Variants in PELI2 observed in about 807,000 individuals in gnomAD.
PELI2 encodes pellino E3 ubiquitin protein ligase family member 2.
Under a neutral mutation model 42.3 loss-of-function variants are expected in PELI2, and 23 were observed. The ratio of observed to expected loss-of-function variants is 0.54; its 90% confidence interval spans 0.39 to 0.77. The LOEUF (loss-of-function observed/expected upper bound fraction) is 0.77, where lower values mean the gene tolerates loss of function less well. PELI2 is among the 30% of genes least tolerant of loss of function. The pLI, the probability that PELI2 is intolerant of heterozygous loss-of-function variation, is 0.00. For synonymous variants in PELI2, 245 were observed against 212.2 expected (o/e 1.15, Z -1.34); for missense variants, 463 against 553.2 (o/e 0.84, Z 1.64).
At chr14:56,214,131 G>T (rs553818741) in intron 2 of PELI2, among the ~76,000 whole-genome samples, 80 of 152,304 alleles carry the variant, frequency 5.3e-4, no homozygotes, top group African/African-American at 1.9e-3. Context: ...GGGATTACAG[G>T]TGTGAGCCAC....
At chr14:56,141,072 T>C (rs1015932094) in intron 1 of PELI2, among the ~76,000 whole-genome samples, 1 of 152,224 alleles carries the variant, frequency 6.6e-6, no homozygotes, top group Non-Finnish European at 1.5e-5. Flanking sequence ...ACCCAAAGGC[T>C]ATGGCAAGGC....
In PELI2 at chr14:56,293,578, G is replaced by T. The variant is rs367791922; in HGVS notation, c.697-3022G>T. 5.0e-4 allele frequency among the ~76,000 whole-genome samples: 76 copies of T among 152,354 alleles called. 1 individual carries two copies. Among genetic ancestry groups the T allele is most frequent in the African/African-American group, 1.8e-3 (73 of 41,586 alleles). ...AGTAATGCCCCATGACTGGCTGGTT[G>T]TTATTACTAAGCAGGGGTTGCAAAC... On this transcript the variant is annotated intron_variant, in intron 5 of 5. Transcript: ENST00000267460.
chr14:56,207,623 G>A (rs1886565920), intron 2 of PELI2, among the ~76,000 whole-genome samples: 1 of 152,180 alleles, frequency 6.6e-6, no homozygotes, highest in African/African-American at 2.4e-5. Context: ...ACATCCCCTA[G>A]ACCTACTCAG....
At chr14:56,203,121 C>T (rs8017346) in intron 2 of PELI2, among the ~76,000 whole-genome samples, 61,354 of 152,054 alleles carry the variant, frequency 0.4, 13,091 homozygotes, top group South Asian at 0.53. Context: ...AGAAAATTGC[C>T]GAAAGATCTA....
chr14:56,128,150 G>C (rs762246345), intron 1 of PELI2, among the ~76,000 whole-genome samples: 2 of 152,144 alleles, frequency 1.3e-5, no homozygotes, highest in Non-Finnish European at 2.9e-5. Context: ...TGATCATTCA[G>C]TTTGTGTTAG....
intron 1 of PELI2, among the ~76,000 whole-genome samples, chr14:56,164,051 A>T (rs989262886): frequency 6.6e-6 from 1 of 152,002 alleles, no homozygotes; most frequent in Admixed American, 6.6e-5. Context: ...TTTACATCTT[A>T]TCTGATTACT....
Position 56,180,365 on chromosome 14 carries a change from A to T in PELI2, c.207+1901A>T, listed in dbSNP as rs983156560. ...AGACAAAAGTAAGATAAATTATTAT[A>T]GGCTAGCCCTCAGAATCAGAGAAAA... On this transcript the variant is annotated intron_variant, in intron 2 of 5. Transcript: ENST00000267460. This position sits in a 1 kb window ranked among gnomAD's most constrained non-coding sequence, Gnocchi z 4.4. Among the ~76,000 whole-genome samples, 5 of 152,226 alleles carry T rather than the reference A, an allele frequency of 3.3e-5. No individual in the cohort carries two copies. Among genetic ancestry groups the T allele is most frequent in the African/African-American group, 1.2e-4 (5 of 41,468 alleles).
intron 1 of PELI2, among the ~76,000 whole-genome samples, chr14:56,132,309 G>A (rs1459237045): frequency 6.6e-6 from 1 of 152,188 alleles, no homozygotes; most frequent in East Asian, 1.9e-4. Context: ...TACATCTTAT[G>A]TTTGTATCAG....
chr14:56,276,277 T>A (rs1889288341), intron 2 of PELI2, among the ~76,000 whole-genome samples: 1 of 152,212 alleles, frequency 6.6e-6, no homozygotes, highest in Non-Finnish European at 1.5e-5. Context: ...AACAAGGTCA[T>A]GTGAGCCCTA....
intron 1 of PELI2, among the ~76,000 whole-genome samples, chr14:56,149,132 C>A (rs1265506073): frequency 6.6e-6 from 1 of 152,140 alleles, no homozygotes; most frequent in Non-Finnish European, 1.5e-5. Context: ...GGGTTTAAAT[C>A]TTTTTGGCTT....
rs375299382 is a variant in PELI2, at chr14:56,218,357, C to G, written c.207+39893C>G. Among the ~76,000 whole-genome samples the G allele has an allele frequency of 5.8e-4, 89 of 152,348 alleles. 1 individual carries two copies. Among genetic ancestry groups the G allele is most frequent in the African/African-American group, 2.0e-3 (85 of 41,588 alleles). On this transcript the variant is annotated intron_variant, in intron 2 of 5. Coordinates refer to ENST00000267460, the MANE Select transcript of PELI2 (RefSeq NM_021255.3). ...ACATATAAGCCAAGAATTGCACTTT[C>G]TTCTTATTTATGCCTTATGGCACTA...
At chr14:56,293,660 G>T (rs1455743771) in intron 5 of PELI2, among the ~76,000 whole-genome samples, 1 of 152,182 alleles carries the variant, frequency 6.6e-6, no homozygotes, top group Non-Finnish European at 1.5e-5. Context: ...GCATGGTCTG[G>T]AGGAGGTCAC....
At chr14:56,185,656 T>G (rs1029451811) in intron 2 of PELI2, among the ~76,000 whole-genome samples, 4 of 152,236 alleles carry the variant, frequency 2.6e-5, no homozygotes, top group African/African-American at 9.6e-5. Flanking sequence ...AAGAGTTGCT[T>G]CATTATATCA....
rs1886154891 is a variant in PELI2, at chr14:56,197,007, A to T, written c.207+18543A>T. ...TTTTTTCAGATACTTTAAGTATTTT[A>T]TTCTAGGTGTTTAGATTTTTCTTGC... On this transcript the variant is annotated intron_variant, in intron 2 of 5. Coordinates refer to ENST00000267460, the MANE Select transcript of PELI2 (RefSeq NM_021255.3). The surrounding 1 kb of genome is among the most constrained non-coding windows in gnomAD (Gnocchi z 4.9). 1.3e-5 allele frequency among the ~76,000 whole-genome samples: 2 copies of T among 151,564 alleles called. No individual in the cohort carries two copies. The highest frequency in any genetic ancestry group is 2.1e-4 in the South Asian group (1 of 4,774).
At chr14:56,165,685 G>A (rs1216648893) in intron 1 of PELI2, among the ~76,000 whole-genome samples, 1 of 152,166 alleles carries the variant, frequency 6.6e-6, no homozygotes, top group Non-Finnish European at 1.5e-5. Context: ...AGTGGGGTGT[G>A]AAGTCTCCAG....
chr14:56,201,420 A>G (rs765406796), intron 2 of PELI2, among the ~76,000 whole-genome samples: 2 of 152,216 alleles, frequency 1.3e-5, no homozygotes, highest in Non-Finnish European at 2.9e-5. Context: ...AGTAGTGACA[A>G]TTATCCAGGA....
intron 2 of PELI2, among the ~76,000 whole-genome samples, chr14:56,181,945 C>T (rs535719841): frequency 3.9e-5 from 6 of 152,266 alleles, no homozygotes; most frequent in Non-Finnish European, 2.9e-5. Context: ...GCAATTTATT[C>T]ACCCATCCAT....
chr14:56,144,495 T>A, intron 1 of PELI2, among the ~76,000 whole-genome samples: 1 of 152,216 alleles, frequency 6.6e-6, no homozygotes, highest in Non-Finnish European at 1.5e-5. Context: ...CTCCTTTATG[T>A]AAATATAACT....
intron 1 of PELI2, among the ~76,000 whole-genome samples, chr14:56,158,248 G>A (rs1282773277): frequency 4.6e-5 from 7 of 151,948 alleles, no homozygotes; most frequent in African/African-American, 7.3e-5. Flanking sequence ...GGCTGGTCTC[G>A]AACACCTGAC....
Sources: gnomAD v4.1 joint callset for allele counts (sites outside exome capture counted in the v4.1 genomes callset) on GRCh38, gnomAD v4.1.1 for gene constraint, Gnocchi (gnomAD v3.1) non-coding constraint, MANE v1.5 for transcripts, NCBI Gene and HGNC (gene_info 2026-07-23, HGNC 2026-07-21) for gene names.